SNTG1: variants seen among roughly 807,000 people sequenced by gnomAD.
The protein encoded by SNTG1 is gamma-1-syntrophin.
In SNTG1, 39 loss-of-function variants were observed where a neutral mutation model predicts 74.7. The observed-to-expected ratio is 0.52, with a 90% CI of 0.40 to 0.68. The LOEUF is 0.68. SNTG1 is among the 30% of genes least tolerant of loss of function. The pLI is 0.00. For missense variants in SNTG1, 685 were observed against 609.5 expected (o/e 1.12, Z -1.30); for synonymous variants, 254 against 217.1 (o/e 1.17, Z -1.49).
chr8:50,378,924 G>A (rs1003968642), intron 2 of SNTG1, among the ~76,000 whole-genome samples: 3 of 152,078 alleles, frequency 2.0e-5, no homozygotes, highest in South Asian at 2.1e-4. Flanking sequence ...CTCCCACTCT[G>A]GTCAGCAGGA....
rs1815687986 is a variant in SNTG1 at position 50,010,624 on chromosome 8, T to C, written c.-103+98393T>C. Among the ~76,000 whole-genome samples, 3 of 151,956 alleles carry C rather than the reference T, an allele frequency of 2.0e-5. No individual in the cohort carries two copies. In the East Asian group the frequency reaches 5.8e-4, roughly 29 times the overall value. On this transcript the variant is annotated intron_variant, in intron 1 of 18. Coordinates refer to ENST00000642720, the MANE Select transcript of SNTG1 (RefSeq NM_018967.5). ...ACTAGGTGCACCTGACAAATACCAA[T>C]GCAGTTATCTTAAATTTTGATAAAC...
intron 1 of SNTG1, among the ~76,000 whole-genome samples, chr8:50,153,769 G>C (rs545079036): frequency 3.0e-4 from 45 of 152,270 alleles, no homozygotes; most frequent in African/African-American, 1.1e-3. Flanking sequence ...TGGAAGCTTC[G>C]TCTCAGATGG....
At chr8:50,389,607 G>C (rs1026094844) in intron 2 of SNTG1, among the ~76,000 whole-genome samples, 1 of 152,242 alleles carries the variant, frequency 6.6e-6, no homozygotes, top group Non-Finnish European at 1.5e-5. Context: ...CCAGTAATGG[G>C]ATGGCTGGGT....
chr8:50,540,128 T>C (rs1050215620), intron 11 of SNTG1, among the ~76,000 whole-genome samples: 2 of 152,150 alleles, frequency 1.3e-5, no homozygotes, highest in Non-Finnish European at 2.9e-5. Context: ...GTGAAGTTCT[T>C]TAGTTGCATC....
chr8:50,716,100 TAC>T (rs371981401), intron 17 of SNTG1, among the ~76,000 whole-genome samples: 1 of 152,142 alleles, frequency 6.6e-6, no homozygotes, highest in African/African-American at 2.4e-5. Flanking sequence ...TGTGCACACA[TAC>T]ACACACTTTA....
intron 1 of SNTG1, among the ~76,000 whole-genome samples, chr8:50,081,419 C>A (rs1822396194): frequency 6.6e-6 from 1 of 152,108 alleles, no homozygotes; most frequent in Non-Finnish European, 1.5e-5. Flanking sequence ...TTCCGTTTGG[C>A]ATTTATCAGG....
At chr8:50,261,627 A>C (rs2087197995) in intron 2 of SNTG1, among the ~76,000 whole-genome samples, 1 of 152,178 alleles carries the variant, frequency 6.6e-6, no homozygotes, top group Non-Finnish European at 1.5e-5. Context: ...ATGACAGAAG[A>C]AATGGTAAGG....
At chr8:50,402,805 G>A (rs78856350) in intron 4 of SNTG1, among the ~76,000 whole-genome samples, 2,814 of 152,242 alleles carry the variant, frequency 0.018, 89 homozygotes, top group African/African-American at 0.063. Context: ...CCCTAGGATA[G>A]TGTCTAAATG....
At chr8:50,332,101 C>A (rs904987612) in intron 2 of SNTG1, among the ~76,000 whole-genome samples, 3 of 152,164 alleles carry the variant, frequency 2.0e-5, no homozygotes, top group African/African-American at 7.2e-5. Context: ...AATGCATGTT[C>A]TTGACTATTG....
intron 5 of SNTG1, among the ~76,000 whole-genome samples, chr8:50,441,683 A>T (rs2093359095): frequency 6.6e-6 from 1 of 151,886 alleles, no homozygotes; most frequent in Non-Finnish European, 1.5e-5. Context: ...TTCTCTTTAA[A>T]TTTTTTGAAG....
At chr8:50,783,808 T>C (rs1482567392) in intron 18 of SNTG1, among the ~76,000 whole-genome samples, 1 of 152,218 alleles carries the variant, frequency 6.6e-6, no homozygotes. Flanking sequence ...CTGGGAGCTG[T>C]AGACTGGAGC....
chr8:50,560,725 G>A (rs2130680931), intron 12 of SNTG1, among the ~76,000 whole-genome samples: 1 of 152,198 alleles, frequency 6.6e-6, no homozygotes, highest in Admixed American at 6.5e-5. Flanking sequence ...TGTTGTTGGA[G>A]GGGAGGGAGA....
At chr8:50,075,633 C>T (rs1044852870) in intron 1 of SNTG1, among the ~76,000 whole-genome samples, 6 of 152,156 alleles carry the variant, frequency 3.9e-5, no homozygotes, top group East Asian at 1.9e-4. Flanking sequence ...CTGCTTCCTA[C>T]GCTGTGGAGC....
intron 1 of SNTG1, among the ~76,000 whole-genome samples, chr8:50,082,763 T>C (rs541101820): frequency 2.9e-4 from 44 of 152,310 alleles, no homozygotes; most frequent in African/African-American, 1.1e-3. Context: ...CAAGAATGTT[T>C]GGATGCCTTA....
At chr8:49,928,035 A>G (rs944201054) in intron 1 of SNTG1, among the ~76,000 whole-genome samples, 35 of 151,162 alleles carry the variant, frequency 2.3e-4, no homozygotes, top group African/African-American at 8.5e-4. Context: ...GGGCTGAGGC[A>G]GGAGAATCGC....
rs145692934 is a variant in SNTG1 at position 50,041,699 on chromosome 8, G to A, written c.-103+129468G>A. Among the ~76,000 whole-genome samples, 217 of 152,250 alleles carry A rather than the reference G, an allele frequency of 1.4e-3. 1 individual carries two copies. Among genetic ancestry groups the A allele is most frequent in the African/African-American group, 5.0e-3 (207 of 41,554 alleles). ...CATATTTGTGTCCCAGTTGAAAAGC[G>A]ACAACATCCCCTTTTGATTCATGCC... is the stretch of plus-strand genomic sequence containing the variant. On this transcript the variant is annotated intron_variant, in intron 1 of 18. Transcript: ENST00000642720.
intron 2 of SNTG1, among the ~76,000 whole-genome samples, chr8:50,310,457 G>A (rs529281159): frequency 6.6e-6 from 1 of 152,274 alleles, no homozygotes; most frequent in East Asian, 1.9e-4. Flanking sequence ...GGGAGGTCAA[G>A]GTGGATGGGT....
At chr8:50,677,993 G>C (rs984851301) in intron 15 of SNTG1, among the ~76,000 whole-genome samples, 1 of 151,812 alleles carries the variant, frequency 6.6e-6, no homozygotes, top group African/African-American at 2.4e-5. Flanking sequence ...GGAGGGCAAG[G>C]GGAGGGAATT....
At chr8:50,190,059 C>T (rs1193492835) in intron 2 of SNTG1, among the ~76,000 whole-genome samples, 1 of 152,044 alleles carries the variant, frequency 6.6e-6, no homozygotes, top group African/African-American at 2.4e-5. Context: ...AGCTTTCATT[C>T]ATTTATTAAT....
Sources: allele counts gnomAD v4.1 joint callset (sites outside exome capture counted in the v4.1 genomes callset), GRCh38; gene constraint gnomAD v4.1.1; transcripts MANE v1.5; gene names NCBI Gene and HGNC (gene_info 2026-07-23, HGNC 2026-07-21).